SNAP91: variants seen among roughly 807,000 people sequenced by gnomAD.
SNAP91 encodes clathrin coat assembly protein AP180.
In SNAP91, 27 loss-of-function variants were observed where a neutral mutation model predicts 100.3. The ratio of observed to expected loss-of-function variants is 0.27; its 90% CI spans 0.20 to 0.37. The LOEUF is 0.37. Among genes scored for constraint, SNAP91 ranks in the 10% least tolerant of loss-of-function variants. The pLI is 1.00. For missense variants in SNAP91, 986 were observed against 1,123.7 expected (o/e 0.88, Z 1.75); for synonymous variants, 404 against 398.6 (o/e 1.01, Z -0.16).
At chr6:83,644,197 A>T (rs2097826493) in intron 7 of SNAP91, among the ~76,000 whole-genome samples, 1 of 152,186 alleles carries the variant, frequency 6.6e-6, no homozygotes, top group Non-Finnish European at 1.5e-5. Context: ...AGTGACCAAA[A>T]TTTTAACCAA....
chr6:83,666,004 C>T (rs1211380576), intron 2 of SNAP91, among the ~76,000 whole-genome samples: 1 of 152,092 alleles, frequency 6.6e-6, no homozygotes, highest in Non-Finnish European at 1.5e-5. Context: ...TCAAACTTAA[C>T]AGCTAAAAGC....
chr6:83,645,484 C>A (rs1039982320), intron 7 of SNAP91, among the ~76,000 whole-genome samples: 1 of 152,104 alleles, frequency 6.6e-6, no homozygotes, highest in Non-Finnish European at 1.5e-5. Context: ...GTTGTACATT[C>A]TATGGGTTTG....
intron 26 of SNAP91, among the ~76,000 whole-genome samples, chr6:83,574,065 T>C (rs911152952): frequency 6.6e-6 from 1 of 152,186 alleles, no homozygotes; most frequent in Non-Finnish European, 1.5e-5. Context: ...TTAATTTACT[T>C]CTTGCATGTT....
chr6:83,592,684 G>A (rs767413248), intron 20 of SNAP91, 146 bp from the exon 21 acceptor site: 124 of 722,696 alleles, frequency 1.7e-4, no homozygotes, highest in Middle Eastern at 8.8e-4. Flanking sequence ...AAAAGCAAAC[G>A]GGTTTTAAAA....
chr6:83,672,264 A>G (rs1323949845), intron 2 of SNAP91, among the ~76,000 whole-genome samples: 1 of 152,094 alleles, frequency 6.6e-6, no homozygotes, highest in African/African-American at 2.4e-5. Flanking sequence ...CTTTTCTGAT[A>G]TTACCTTCAA....
intron 26 of SNAP91, among the ~76,000 whole-genome samples, chr6:83,573,285 C>T (rs1345720907): frequency 2.6e-5 from 4 of 152,128 alleles, no homozygotes; most frequent in Non-Finnish European, 5.9e-5. Flanking sequence ...CAAACCACTG[C>T]TCAACGAAAT....
chr6:83,632,625 G>A (rs531342126), intron 8 of SNAP91, among the ~76,000 whole-genome samples: 57 of 152,176 alleles, frequency 3.7e-4, no homozygotes, highest in Non-Finnish European at 6.5e-4. Flanking sequence ...TTAATTTGAA[G>A]ACCTTGTCTT....
chr6:83,605,610 T>C, intron 14 of SNAP91, 75 bp downstream of exon 14: 1 of 1,526,974 alleles, frequency 6.5e-7, no homozygotes, highest in Non-Finnish European at 8.8e-7. Context: ...AGGTAAATGT[T>C]AACAATTATA....
At chr6:83,598,727 A>C (rs2128230862) in intron 16 of SNAP91, among the ~76,000 whole-genome samples, 1 of 152,292 alleles carries the variant, frequency 6.6e-6, no homozygotes, top group Non-Finnish European at 1.5e-5. Context: ...ATGGCCACAC[A>C]AAATGGCCAA....
intron 2 of SNAP91, among the ~76,000 whole-genome samples, chr6:83,693,202 C>T (rs1178174999): frequency 6.6e-5 from 10 of 152,164 alleles, no homozygotes; most frequent in Non-Finnish European, 8.8e-5. Context: ...CCTCATTAGG[C>T]GTGGGACCTT....
chr6:83,655,244 TAA>T (rs2098366699), intron 7 of SNAP91, among the ~76,000 whole-genome samples: 1 of 152,114 alleles, frequency 6.6e-6, no homozygotes, highest in Non-Finnish European at 1.5e-5. Context: ...TCTTTGTAAC[TAA>T]AAAGAGGCAG....
intron 26 of SNAP91, among the ~76,000 whole-genome samples, chr6:83,564,163 A>C (rs920175975): frequency 6.6e-6 from 1 of 152,176 alleles, no homozygotes; most frequent in Non-Finnish European, 1.5e-5. Flanking sequence ...ATATAGATCA[A>C]CACAAGCAAA....
At chr6:83,627,567 G>C (rs2096992774) in intron 8 of SNAP91, among the ~76,000 whole-genome samples, 1 of 151,870 alleles carries the variant, frequency 6.6e-6, no homozygotes, top group South Asian at 2.1e-4. Flanking sequence ...ACTTCTTCCT[G>C]GTCCAATATT....
At chr6:83,597,390 C>A (rs1277284548) in intron 16 of SNAP91, among the ~76,000 whole-genome samples, 3 of 152,054 alleles carry the variant, frequency 2.0e-5, no homozygotes, top group Non-Finnish European at 4.4e-5. Flanking sequence ...TAGTTTTTTT[C>A]ATTATAAATG....
chr6:83,644,058 A>C (rs2097821816), intron 7 of SNAP91, among the ~76,000 whole-genome samples: 1 of 152,218 alleles, frequency 6.6e-6, no homozygotes, highest in African/African-American at 2.4e-5. Context: ...ATCTTCATAT[A>C]AAAAACTTCT....
chr6:83,623,848 A>AT (rs1203232245), intron 8 of SNAP91, among the ~76,000 whole-genome samples: 3 of 152,072 alleles, frequency 2.0e-5, no homozygotes, highest in East Asian at 3.8e-4. Flanking sequence ...ATATATACTT[A>AT]TTTCCCCATT....
intron 13 of SNAP91, among the ~76,000 whole-genome samples, chr6:83,606,988 T>C (rs1057298469): frequency 1.3e-5 from 2 of 152,202 alleles, no homozygotes; most frequent in East Asian, 1.9e-4. Context: ...ATGGGTACAA[T>C]ACTTGGATTT....
chr6:83,634,159 G>A lies in SNAP91; in HGVS notation c.765+6937C>T, dbSNP rs373822023. 1.6e-4 allele frequency among the ~76,000 whole-genome samples: 24 copies of A among 152,240 alleles called. No individual in the cohort carries two copies. In the East Asian group the frequency reaches 3.9e-3, roughly 25 times the overall value. ...TTCAGCTGGAGATTTCTTTCTCCCT[G>A]TGGCCTTTTCCCAGTGCCTCTGGCC... On this transcript the variant is annotated intron_variant, in intron 8 of 29. Coordinates refer to ENST00000369694, the MANE Select transcript of SNAP91 (RefSeq NM_001242792.2).
intron 22 of SNAP91, among the ~76,000 whole-genome samples, chr6:83,585,611 T>G (rs527970953): frequency 6.6e-6 from 1 of 151,836 alleles, no homozygotes; most frequent in Non-Finnish European, 1.5e-5. Context: ...GTAATCATAT[T>G]TGAACTGTCC....
Sources: allele counts gnomAD v4.1 joint callset (sites outside exome capture counted in the v4.1 genomes callset), GRCh38; gene constraint gnomAD v4.1.1; transcripts MANE v1.5; gene names NCBI Gene and HGNC (gene_info 2026-07-23, HGNC 2026-07-21).